TTC33: variants seen among roughly 807,000 people sequenced by gnomAD.
TTC33 encodes tetratricopeptide repeat protein 33.
A neutral mutation model predicts 29.4 loss-of-function variants in TTC33; 24 were observed. The observed-to-expected ratio is 0.82, with a 90% CI of 0.59 to 1.15. The LOEUF (loss-of-function observed/expected upper bound fraction) is 1.15. Ranked by LOEUF, TTC33 falls within the 50% of genes most tolerant of loss-of-function variation. TTC33 has a pLI of 0.00. For synonymous variants in TTC33, 107 were observed against 100.3 expected (o/e 1.07, Z -0.40); for missense variants, 286 against 310.4 (o/e 0.92, Z 0.59).
chr5:40,730,280 T>C lies in TTC33; in HGVS notation c.285A>G (p.Leu95=). ...ALQLTPNDAT[L]YEMKSQVLMS... ...TTATTACCTGTGATTTCATCTCGTA[T>C]AGGGTAGCATCATTTGGAGTTAACT... The change falls in exon 3 of 5, where the codon CTA becomes CTG. Residue 95 remains leucine, a synonymous_variant. Transcript: ENST00000337702. 6.2e-7 allele frequency: 1 copy of C among 1,607,934 alleles called. No individual in the cohort carries two copies. Among genetic ancestry groups the C allele is most frequent in the Admixed American group, 1.7e-5 (1 of 59,894 alleles).
rs1219634268 is a variant in TTC33 at position 40,713,188 on chromosome 5, T to C, written c.*2957A>G. Among the ~76,000 whole-genome samples, 1 of 152,168 alleles carries C rather than the reference T, an allele frequency of 6.6e-6. No homozygotes were observed. The highest frequency in any genetic ancestry group is 1.5e-5 in the Non-Finnish European group (1 of 68,022). On this transcript the variant is annotated 3_prime_UTR_variant, in exon 5 of 5. Coordinates refer to ENST00000337702, the MANE Select transcript of TTC33 (RefSeq NM_012382.3). ...TATGTCAACTCACAACTCATTTAGA[T>C]ATTAATACATGTATCATGAAATCAT...
chr5:40,744,716 AT>A (rs1170462080), intron 2 of TTC33, among the ~76,000 whole-genome samples: 4 of 152,274 alleles, frequency 2.6e-5, no homozygotes, highest in Admixed American at 2.6e-4. Context: ...AAAATCATGT[AT>A]TTATTCAAAT....
chr5:40,723,541 C>A (rs1742206604), intron 4 of TTC33, among the ~76,000 whole-genome samples: 1 of 150,860 alleles, frequency 6.6e-6, no homozygotes, highest in Non-Finnish European at 1.5e-5. Context: ...AATATCACCT[C>A]ACATCTGTTA....
At chr5:40,723,804 A>C (rs1219159235) in intron 4 of TTC33, among the ~76,000 whole-genome samples, 1 of 151,628 alleles carries the variant, frequency 6.6e-6, no homozygotes, top group Non-Finnish European at 1.5e-5. Context: ...GGCAGAGGTT[A>C]CAGTGAGCCG....
At chr5:40,747,055 A>T in intron 1 of TTC33, 36 bp from the exon 2 acceptor site, 1 of 1,562,386 alleles carries the variant, frequency 6.4e-7, no homozygotes. Flanking sequence ...TAAAATTCTA[A>T]CTTGATCTTT....
In TTC33 at chr5:40,728,472, A is replaced by G. The variant is rs964592794; in HGVS notation, c.308T>C (p.Leu103Pro). The change falls in exon 4 of 5, where the codon CTA becomes CCA. Residue 103 changes from leucine to proline, a missense_variant. Leu to Pro is a moderately conservative substitution (Grantham distance 98, BLOSUM62 -3). Coordinates refer to ENST00000337702, the MANE Select transcript of TTC33 (RefSeq NM_012382.3). ...TGGGAACATTTCATGAAGAGACATTAGCACCTATAGGCAAAAAAAGACCAA... is the reference window on the plus strand; with the variant it reads ...TGGGAACATTTCATGAAGAGACATTGGCACCTATAGGCAAAAAAAGACCAA... ...ATLYEMKSQV[L>P]MSLHEMFPAV... The G allele has an allele frequency of 1.2e-6, 2 of 1,604,190 alleles. No individual in the cohort carries two copies. The highest frequency in any genetic ancestry group is 2.7e-5 in the African/African-American group (2 of 74,410).
In TTC33 at chr5:40,730,399, T is replaced by C. The variant is rs200155289; in HGVS notation, c.222-56A>G. ...ATTTTCAATATGCTTTTTTGGACTT[T>C]CAAAAAAAAATTTTTATTGTAGTAA... On this transcript the variant is annotated intron_variant, in intron 2 of 4. Coordinates refer to ENST00000337702, the MANE Select transcript of TTC33 (RefSeq NM_012382.3). 9.3e-5 allele frequency: 136 copies of C among 1,455,282 alleles called. No homozygotes were observed. In the East Asian group the frequency reaches 2.7e-3, roughly 29 times the overall value. The allele number at this position is 1,455,282 out of a possible 1,614,324, so 90.1% of individuals were successfully genotyped here.
rs1741914018 is a variant in TTC33, at chr5:40,712,391, T to C, written c.*3754A>G. Among the ~76,000 whole-genome samples the C allele has an allele frequency of 6.6e-6, 1 of 152,170 alleles. No individual in the cohort carries two copies. The highest frequency in any genetic ancestry group is 2.4e-5 in the African/African-American group (1 of 41,464). ...AAAGTTTGAGGGAGTCATAAAATAA[T>C]GTCCCTCTCCTCTCCTGACCTCTGA... On this transcript the variant is annotated 3_prime_UTR_variant, in exon 5 of 5. Coordinates refer to ENST00000337702, the MANE Select transcript of TTC33 (RefSeq NM_012382.3).
intron 4 of TTC33, among the ~76,000 whole-genome samples, chr5:40,722,073 T>C (rs1742146060): frequency 6.6e-6 from 1 of 152,078 alleles, no homozygotes; most frequent in Non-Finnish European, 1.5e-5. Flanking sequence ...CACCATGAAA[T>C]ATCACCTCAT....
At position 40,728,403 on chromosome 5, in the gene TTC33, G is replaced by A. The variant is rs748189854; in HGVS notation, c.377C>T (p.Ser126Leu). Residue 126 changes from serine (S) to leucine (L), a missense_variant, in exon 4 of 5, where the codon TCA (serine) becomes TTA (leucine). Coordinates refer to ENST00000337702, the MANE Select transcript of TTC33 (RefSeq NM_012382.3). The part of the protein sequence containing the change: ...AEMAVQQNPH[S>L]WESWQTLGRA... ...TCCCAAAGTCTGCCAAGACTCCCAT[G>A]AATGTGGATTTTGCTGGACGGCCAT... is the stretch of plus-strand genomic sequence containing the variant. 2.5e-6 allele frequency: 4 copies of A among 1,613,314 alleles called. No homozygotes were observed. Among genetic ancestry groups the A allele is most frequent in the Admixed American group, 1.7e-5 (1 of 59,920 alleles).
At chr5:40,740,432 C>A (rs983909124) in intron 2 of TTC33, among the ~76,000 whole-genome samples, 1 of 151,964 alleles carries the variant, frequency 6.6e-6, no homozygotes, top group Admixed American at 6.6e-5. Flanking sequence ...TCTAAGTTGG[C>A]AGTTTTACTT....
chr5:40,748,197 T>C (rs760015423), intron 1 of TTC33, among the ~76,000 whole-genome samples: 1 of 151,912 alleles, frequency 6.6e-6, no homozygotes, highest in Non-Finnish European at 1.5e-5. Context: ...AAGAAATCAC[T>C]GTTTTGTTTT....
chr5:40,734,096 A>G (rs1742494677), intron 2 of TTC33, among the ~76,000 whole-genome samples: 1 of 152,248 alleles, frequency 6.6e-6, no homozygotes, highest in Non-Finnish European at 1.5e-5. Flanking sequence ...GCTGTTTTCC[A>G]TGCTAAACAA....
At chr5:40,737,478 T>C (rs1471240244) in intron 2 of TTC33, among the ~76,000 whole-genome samples, 3 of 152,102 alleles carry the variant, frequency 2.0e-5, no homozygotes, top group Non-Finnish European at 4.4e-5. Context: ...AACAGCAAAT[T>C]CAGAACACAA....
chr5:40,726,035 T>C (rs1415870120), intron 4 of TTC33, among the ~76,000 whole-genome samples: 3 of 151,780 alleles, frequency 2.0e-5, no homozygotes, highest in Admixed American at 6.6e-5. Flanking sequence ...TCCGCCCGCC[T>C]CGGCCTCCCA....
chr5:40,726,018 C>T (rs1742276737), intron 4 of TTC33, among the ~76,000 whole-genome samples: 1 of 151,728 alleles, frequency 6.6e-6, no homozygotes, highest in South Asian at 2.1e-4. Flanking sequence ...ATCTCCTGAC[C>T]TTGTGATCCG....
At chr5:40,737,990 A>T (rs1742592603) in intron 2 of TTC33, among the ~76,000 whole-genome samples, 1 of 152,226 alleles carries the variant, frequency 6.6e-6, no homozygotes, top group Non-Finnish European at 1.5e-5. Context: ...CAGTTCATGG[A>T]CACTATTAAT....
At chr5:40,755,172 C>T (rs765059904) in intron 1 of TTC33, among the ~76,000 whole-genome samples, 1 of 152,178 alleles carries the variant, frequency 6.6e-6, no homozygotes, top group African/African-American at 2.4e-5. Flanking sequence ...AGGCGCTCAA[C>T]AACTGGCGAC....
At chr5:40,736,516 G>C (rs888752910) in intron 2 of TTC33, among the ~76,000 whole-genome samples, 2 of 152,072 alleles carry the variant, frequency 1.3e-5, no homozygotes, top group African/African-American at 4.8e-5. Context: ...AGATGTCAAA[G>C]TTGGGACTAA....
Sources: gnomAD v4.1 joint callset for allele counts (sites outside exome capture counted in the v4.1 genomes callset) on GRCh38, gnomAD v4.1.1 for gene constraint, MANE v1.5 for transcripts, NCBI Gene and HGNC (gene_info 2026-07-23, HGNC 2026-07-21) for gene names.